The following MADD variants were observed in gnomAD, a reference collection of about 807,000 sequenced individuals.
MADD encodes the protein MAP kinase-activating death domain protein.
In MADD, 109 loss-of-function variants were observed where a neutral mutation model predicts 176.7. That is an observed-to-expected ratio of 0.62 (90% CI 0.53 to 0.72). MADD has a LOEUF of 0.72. MADD is among the 30% of genes least tolerant of loss of function. The probability of loss-of-function intolerance (pLI) is 0.00; values close to 1 mark genes in which losing one functional copy is unlikely to be tolerated. For synonymous variants in MADD, 771 were observed against 771.3 expected (o/e 1.00, Z 0.01); for missense variants, 1,914 against 2,045.5 (o/e 0.94, Z 1.24).
At chr11:47,286,327 G>C in intron 14 of MADD, 106 bp from the exon 15 acceptor site, 2 of 764,206 alleles carry the variant, frequency 2.6e-6, no homozygotes, top group South Asian at 3.0e-5. Flanking sequence ...CACCAAACTG[G>C]GATTGTGTTT....
At position 47,309,629 on chromosome 11, in the gene MADD, T is replaced by C; in HGVS notation, c.3978+17T>C. 1 of 1,592,544 alleles carries C rather than the reference T, an allele frequency of 6.3e-7. No individual in the cohort carries two copies. Among genetic ancestry groups the C allele is most frequent in the Non-Finnish European group, 8.6e-7 (1 of 1,160,252 alleles). On this transcript the variant is annotated intron_variant, in intron 25 of 32. Coordinates refer to ENST00000402192, the Ensembl canonical transcript of MADD. Reference sequence around the variant, plus strand: ...CTGATGAAGGTAATGTCAATTTTGCTGTGTCCAGCTCCGCTGATCCTAGAG... The same window carrying C: ...CTGATGAAGGTAATGTCAATTTTGCCGTGTCCAGCTCCGCTGATCCTAGAG...
intron 22 of MADD, among the ~76,000 whole-genome samples, chr11:47,300,458 C>A (rs935101170): frequency 2.7e-5 from 2 of 73,126 alleles, no homozygotes; most frequent in African/African-American, 1.7e-4. Flanking sequence ...CTACCCCCCG[C>A]CCGCCCCAAA....
chr11:47,294,790 TTG>T, intron 20 of MADD, among the ~76,000 whole-genome samples: 1 of 152,004 alleles, frequency 6.6e-6, no homozygotes, highest in African/African-American at 2.4e-5. Flanking sequence ...CCATTAAAGA[TTG>T]TGTTTTCAAA....
At chr11:47,327,691 T>C (rs1469970290) in intron 31 of MADD, 1 of 985,460 alleles carries the variant, frequency 1.0e-6, no homozygotes, top group African/African-American at 1.7e-5. Flanking sequence ...GAGAATGGCC[T>C]GGGGCTTCTT....
At chr11:47,316,402 T>C (rs1020865702) in intron 27 of MADD, among the ~76,000 whole-genome samples, 2 of 148,276 alleles carry the variant, frequency 1.3e-5, no homozygotes, top group Non-Finnish European at 3.0e-5. Flanking sequence ...TTTTTTTTTT[T>C]TTTTGAGACG....
intron 15 of MADD, among the ~76,000 whole-genome samples, chr11:47,287,005 A>G (rs1386832797): frequency 6.6e-6 from 1 of 152,138 alleles, no homozygotes. Context: ...GCCAGGTAGT[A>G]TTGGTTAGTT....
chr11:47,276,312 C>T (rs954014078), intron 4 of MADD, 110 bp downstream of exon 4: 1 of 1,087,772 alleles, frequency 9.2e-7, no homozygotes, highest in Non-Finnish European at 1.3e-6. Context: ...ACCTTTTTGT[C>T]TTCAGGAGGT....
exon 6 of MADD, chr11:47,278,201 C>T (rs547529450): frequency 1.2e-6 from 2 of 1,614,008 alleles, no homozygotes; most frequent in African/African-American, 1.3e-5. Flanking sequence ...CATTGGGGTT[C>T]CTGCCAGCTT....
chr11:47,309,607 A>T, exon 25 of MADD: 1 of 1,612,116 alleles, frequency 6.2e-7, no homozygotes, highest in Non-Finnish European at 8.5e-7. Context: ...CATGCTGCTG[A>T]TGAAGGTAAT....
intron 19 of MADD, among the ~76,000 whole-genome samples, chr11:47,293,493 G>A (rs2067278549): frequency 4.6e-5 from 7 of 152,014 alleles, no homozygotes; most frequent in Admixed American, 4.6e-4. Flanking sequence ...GGTAGAGACA[G>A]GGTTTCATCA....
exon 30 of MADD, chr11:47,324,485 G>A: frequency 6.2e-7 from 1 of 1,613,754 alleles, no homozygotes; most frequent in Non-Finnish European, 8.5e-7. Context: ...TGAATTGGGT[G>A]GCGAGTTCCC....
chr11:47,277,991 T>A (rs1446452392), intron 5 of MADD, among the ~76,000 whole-genome samples, 174 bp from the exon 6 acceptor site: 1 of 152,230 alleles, frequency 6.6e-6, no homozygotes, highest in South Asian at 2.1e-4. Flanking sequence ...CAAAAAAATG[T>A]ACCATGTTAC....
chr11:47,310,907 C>CAAAAAA (rs34331746), intron 25 of MADD, among the ~76,000 whole-genome samples: 1 of 131,076 alleles, frequency 7.6e-6, no homozygotes. Context: ...AAATCCATCT[C>CAAAAAA]AAAAAAAAAA....
intron 20 of MADD, 75 bp downstream of exon 22, chr11:47,294,058 A>G: frequency 1.6e-6 from 2 of 1,228,822 alleles, no homozygotes; most frequent in South Asian, 2.5e-5. Flanking sequence ...TTAAAATAGA[A>G]CAGTCAGACA....
intron 1 of MADD, chr11:47,270,620 C>T (rs890072184): frequency 7.9e-5 from 12 of 152,110 alleles, no homozygotes; most frequent in Admixed American, 6.5e-4. Context: ...CGTGCTTGCG[C>T]CTTATTTTTG....
chr11:47,290,190 C>T (rs766331394), exon 18 of MADD: 1 of 1,614,134 alleles, frequency 6.2e-7, no homozygotes, highest in Non-Finnish European at 8.5e-7. Context: ...TAGACCTCCT[C>T]AAGTGTACAG....
intron 22 of MADD, among the ~76,000 whole-genome samples, chr11:47,303,686 A>G (rs985382293): frequency 6.7e-6 from 1 of 149,528 alleles, no homozygotes; most frequent in Non-Finnish European, 1.5e-5. Flanking sequence ...GCTCACTGCA[A>G]CCTGCGCCGC....
At chr11:47,274,837 G>A in exon 3 of MADD, 1 of 1,614,210 alleles carries the variant, frequency 6.2e-7, no homozygotes, top group East Asian at 2.2e-5. Flanking sequence ...GGGGGAAGGT[G>A]GGGCAGGGTC....
At chr11:47,298,461 G>A (rs2074936864) in intron 22 of MADD, among the ~76,000 whole-genome samples, 2 of 152,136 alleles carry the variant, frequency 1.3e-5, no homozygotes, top group African/African-American at 4.8e-5. Flanking sequence ...CAAAACACCT[G>A]TTAGCCATTT....
Sources: allele counts gnomAD v4.1 joint callset (sites outside exome capture counted in the v4.1 genomes callset), GRCh38; gene constraint gnomAD v4.1.1; transcripts MANE v1.5; gene names NCBI Gene and HGNC (gene_info 2026-07-23, HGNC 2026-07-21).